TRPS1: variants seen among roughly 807,000 people sequenced by gnomAD.
TRPS1 encodes the protein zinc finger transcription factor Trps1.
Under a neutral mutation model 101.2 loss-of-function variants are expected in TRPS1, and 6 were observed. The observed-to-expected ratio is 0.06, with a 90% confidence interval of 0.03 to 0.12. TRPS1 has a LOEUF of 0.12. TRPS1 is among the 10% of genes least tolerant of loss of function. TRPS1 has a pLI of 1.00. For missense variants in TRPS1, 1,363 were observed against 1,567.0 expected (o/e 0.87, Z 2.20); for synonymous variants, 578 against 589.8 (o/e 0.98, Z 0.29).
Position 115,413,965 on chromosome 8 carries a change from C to A in TRPS1, c.*58G>T. 6.5e-7 allele frequency: 1 copy of A among 1,545,490 alleles called. No homozygotes were observed. The highest frequency in any genetic ancestry group is 8.9e-7 in the Non-Finnish European group (1 of 1,127,718). On this transcript the variant is annotated 3_prime_UTR_variant, in exon 7 of 7. Coordinates refer to ENST00000395715, the MANE Select transcript of TRPS1 (RefSeq NM_014112.5). ...ATAGGTCTTCATAAGACATTACAAG[C>A]TATTGAATTCCCATCAAGAAAACCT...
intron 5 of TRPS1, among the ~76,000 whole-genome samples, chr8:115,509,934 C>A (rs1815540573): frequency 6.6e-6 from 1 of 152,010 alleles, no homozygotes. Context: ...CTGACCTCCA[C>A]CTTTCCTGCC....
intron 3 of TRPS1, 40 bp downstream of exon 3, chr8:115,619,092 A>G (rs766161984): frequency 4.4e-6 from 7 of 1,606,710 alleles, no homozygotes; most frequent in African/African-American, 4.0e-5. Context: ...TTCATTTCTA[A>G]TAACTTTTTC....
rs115110886 is a variant in TRPS1, at chr8:115,648,084, C to A, written c.-122+20461G>T. Among the ~76,000 whole-genome samples the A allele has an allele frequency of 3.3e-3, 504 of 151,844 alleles. 4 individuals carry two copies. The highest frequency in any genetic ancestry group is 0.012 in the African/African-American group (478 of 41,368). On this transcript the variant is annotated intron_variant, in intron 1 of 6. Coordinates refer to ENST00000395715, the MANE Select transcript of TRPS1 (RefSeq NM_014112.5). ...GGGATCTGGCAAGAGGAAATCAGAG[C>A]GTCAAATCAAGGAGGGGTGGCAGCA...
At chr8:115,462,403 G>A (rs1397620748) in intron 5 of TRPS1, among the ~76,000 whole-genome samples, 2 of 152,116 alleles carry the variant, frequency 1.3e-5, no homozygotes, top group Non-Finnish European at 2.9e-5. Context: ...GTGACCCTGG[G>A]CAATCCAGTT....
intron 5 of TRPS1, among the ~76,000 whole-genome samples, chr8:115,559,195 A>G (rs1453448316): frequency 6.6e-6 from 1 of 152,138 alleles, no homozygotes; most frequent in African/African-American, 2.4e-5. Flanking sequence ...CAGTTTATTA[A>G]CATTAATAAA....
intron 1 of TRPS1, among the ~76,000 whole-genome samples, chr8:115,666,281 G>T (rs936965708): frequency 2.0e-5 from 3 of 150,788 alleles, no homozygotes; most frequent in African/African-American, 7.3e-5. Flanking sequence ...TTCACTTAAA[G>T]GTAAAAAAAA....
intron 1 of TRPS1, among the ~76,000 whole-genome samples, chr8:115,633,944 T>A (rs1415468419): frequency 1.3e-5 from 2 of 152,168 alleles, no homozygotes; most frequent in African/African-American, 2.4e-5. Context: ...GCCTGGTTAA[T>A]ATTTTCTTAA....
intron 5 of TRPS1, among the ~76,000 whole-genome samples, chr8:115,460,600 A>C (rs1042100911): frequency 6.6e-6 from 1 of 152,152 alleles, no homozygotes; most frequent in Non-Finnish European, 1.5e-5. Context: ...CAGTGGCATC[A>C]GATCTGAAGT....
At chr8:115,623,167 C>A (rs867249722) in intron 2 of TRPS1, among the ~76,000 whole-genome samples, 7 of 152,002 alleles carry the variant, frequency 4.6e-5, no homozygotes, top group African/African-American at 1.7e-4. Context: ...ACTCATGACT[C>A]CTTATGCTGA....
Position 115,604,255 on chromosome 8 carries a change from A to G in TRPS1, c.1714T>C (p.Cys572Arg). 2 of 1,614,102 alleles carry G rather than the reference A, an allele frequency of 1.2e-6. No individual in the cohort carries two copies. Among genetic ancestry groups the G allele is most frequent in the Non-Finnish European group, 1.7e-6 (2 of 1,180,000 alleles). Residue 572 changes from cysteine (C) to arginine (R), a missense_variant, in exon 4 of 7, where the codon TGT (cysteine) becomes CGT (arginine). Physicochemically the swap from Cys to Arg is radical, Grantham distance 180. Around this residue, in one of 5 missense-constraint regions of TRPS1, gnomAD observed 1,020 missense variants for 1,073.0 expected, o/e 0.95. Coordinates refer to ENST00000395715, the MANE Select transcript of TRPS1 (RefSeq NM_014112.5). This position sits in a 1 kb window ranked among gnomAD's most constrained non-coding sequence, Gnocchi z 4.1. ...HYQQLHNIHK[C>R]TIKHCPFCPR... ...CAGAATGGACAGTGTTTAATGGTACACTTGTGAATGTTATGGAGCTGTTGA... is the reference window on the plus strand; with the variant it reads ...CAGAATGGACAGTGTTTAATGGTACGCTTGTGAATGTTATGGAGCTGTTGA...
intron 5 of TRPS1, among the ~76,000 whole-genome samples, chr8:115,573,581 C>T (rs1563613962): frequency 6.6e-6 from 1 of 152,148 alleles, no homozygotes; most frequent in Non-Finnish European, 1.5e-5. Flanking sequence ...TCTTCGTCAC[C>T]TCAACCCCGT....
chr8:115,640,626 G>T lies in TRPS1; in HGVS notation c.-121-16868C>A, dbSNP rs186187575. ...GGAAAAACCCTGGAAATGAATTGCT[G>T]GTAACTAACACACCTACAGTACCAA... is the stretch of plus-strand genomic sequence containing the variant. On this transcript the variant is annotated intron_variant, in intron 1 of 6. Coordinates refer to ENST00000395715, the MANE Select transcript of TRPS1 (RefSeq NM_014112.5). 8.5e-5 allele frequency among the ~76,000 whole-genome samples: 13 copies of T among 152,266 alleles called. No individual in the cohort carries two copies. The East Asian group carries it at 2.3e-3, about 27-fold the overall frequency.
chr8:115,667,629 T>C (rs1811954869), intron 1 of TRPS1, among the ~76,000 whole-genome samples: 1 of 152,120 alleles, frequency 6.6e-6, no homozygotes, highest in African/African-American at 2.4e-5. Flanking sequence ...CCCTGCCACA[T>C]GGTACGGACA....
intron 5 of TRPS1, among the ~76,000 whole-genome samples, chr8:115,451,335 A>C (rs543452475): frequency 1.1e-4 from 17 of 150,898 alleles, no homozygotes; most frequent in Admixed American, 3.3e-4. Flanking sequence ...TTTTTTTTTC[A>C]ATGAGTATTT....
chr8:115,619,427 T>G lies in TRPS1; in HGVS notation c.671A>C (p.Asp224Ala). The G allele has an allele frequency of 6.2e-7, 1 of 1,614,178 alleles. No individual in the cohort carries two copies. The highest frequency in any genetic ancestry group is 8.5e-7 in the Non-Finnish European group (1 of 1,180,036). The change falls in exon 3 of 7, where the codon GAC becomes GCC. Residue 224 changes from aspartate to alanine, a missense_variant. Coordinates refer to ENST00000395715, the MANE Select transcript of TRPS1 (RefSeq NM_014112.5). ...AAGCTCTGGAGACAGAGGTGCCGGG[T>G]CTGGGTTGTCATTCACCAGTAAGTC... is the stretch of plus-strand genomic sequence containing the variant. Reference protein sequence around the residue: ...KTDLLVNDNPDPAPLSPELQD... With the variant: ...KTDLLVNDNPAPAPLSPELQD...
intron 5 of TRPS1, among the ~76,000 whole-genome samples, chr8:115,457,821 T>C (rs371612011): frequency 3.3e-5 from 5 of 152,160 alleles, no homozygotes; most frequent in African/African-American, 1.2e-4. Flanking sequence ...CCTAGGTGGG[T>C]GGGCAGGTGT....
intron 5 of TRPS1, among the ~76,000 whole-genome samples, chr8:115,441,700 C>T (rs986229212): frequency 1.3e-5 from 2 of 151,714 alleles, no homozygotes; most frequent in Middle Eastern, 3.4e-3. Flanking sequence ...TTATTTGCAT[C>T]GCAGGCACAG....
At chr8:115,585,937 G>A (rs1389913372) in intron 5 of TRPS1, among the ~76,000 whole-genome samples, 1 of 152,164 alleles carries the variant, frequency 6.6e-6, no homozygotes, top group East Asian at 1.9e-4. Context: ...AGCACAGATA[G>A]GCTTCAGAGA....
At chr8:115,473,510 C>T (rs189678841) in intron 5 of TRPS1, among the ~76,000 whole-genome samples, 27 of 152,284 alleles carry the variant, frequency 1.8e-4, no homozygotes, top group Admixed American at 1.7e-3. Flanking sequence ...CCATATCAGG[C>T]ATGCACTACA....
Sources: allele counts gnomAD v4.1 joint callset (sites outside exome capture counted in the v4.1 genomes callset), GRCh38; gene constraint gnomAD v4.1.1; regional missense constraint gnomAD v4.1.1; non-coding constraint Gnocchi (gnomAD v3.1); transcripts MANE v1.5; gene names NCBI Gene and HGNC (gene_info 2026-07-23, HGNC 2026-07-21).